Variants in PTPRR observed in about 807,000 individuals in gnomAD.
PTPRR encodes receptor-type tyrosine-protein phosphatase R.
Under a neutral mutation model 77.2 loss-of-function variants are expected in PTPRR, and 38 were observed. That is an observed-to-expected ratio of 0.49 (90% CI 0.38 to 0.65). The LOEUF (loss-of-function observed/expected upper bound fraction) is 0.65, where lower values mean the gene tolerates loss of function less well. Ranked by LOEUF, PTPRR falls within the 30% of genes least tolerant of loss-of-function variation. The pLI, the probability that PTPRR is intolerant of heterozygous loss-of-function variation, is 0.00. For synonymous variants in PTPRR, 299 were observed against 283.1 expected (o/e 1.06, Z -0.57); for missense variants, 744 against 799.2 (o/e 0.93, Z 0.83).
chr12:70,798,205 C>T (rs1565700740), intron 2 of PTPRR, among the ~76,000 whole-genome samples: 1 of 152,086 alleles, frequency 6.6e-6, no homozygotes, highest in Non-Finnish European at 1.5e-5. Flanking sequence ...ATGTTCTTCC[C>T]TCACCACACC....
chr12:70,760,051 G>C (rs2136959322), intron 4 of PTPRR, among the ~76,000 whole-genome samples: 1 of 152,272 alleles, frequency 6.6e-6, no homozygotes, highest in Non-Finnish European at 1.5e-5. Context: ...GACCAGTTGG[G>C]GGTGGTTGTG....
At chr12:70,754,722 A>G in intron 4 of PTPRR, 1 of 1,583,050 alleles carries the variant, frequency 6.3e-7, no homozygotes, top group Non-Finnish European at 8.5e-7. Flanking sequence ...CTTTTAAACA[A>G]AAGTGAAACA....
intron 2 of PTPRR, among the ~76,000 whole-genome samples, chr12:70,888,322 G>A (rs907575879): frequency 1.3e-5 from 2 of 151,910 alleles, no homozygotes; most frequent in Non-Finnish European, 2.9e-5. Flanking sequence ...CTATTCAATT[G>A]TTCCAGTCTC....
At chr12:70,754,812 CTT>C (rs200305919) in intron 4 of PTPRR, 574 of 1,051,130 alleles carry the variant, frequency 5.5e-4, no homozygotes, top group South Asian at 1.1e-3. Context: ...TTAATCACAT[CTT>C]TTTTTTTTTT....
Position 70,652,238 on chromosome 12 carries a change from C to T in PTPRR, c.1880+4466G>A, listed in dbSNP as rs562697226. On this transcript the variant is annotated intron_variant, in intron 13 of 13. Transcript: ENST00000283228. ...TGGTTAATGGCAGCAGTTAGCCACA[C>T]ATTGGAATTTTTAAAATGAGGTATG... 2.6e-5 allele frequency among the ~76,000 whole-genome samples: 4 copies of T among 152,136 alleles called. No homozygotes were observed. In the South Asian group the frequency reaches 8.3e-4, roughly 32 times the overall value.
intron 8 of PTPRR, among the ~76,000 whole-genome samples, chr12:70,687,431 G>A (rs939172248): frequency 1.9e-5 from 2 of 106,680 alleles, no homozygotes; most frequent in African/African-American, 6.1e-5. Flanking sequence ...GTCCCATTCT[G>A]CTTAAAGCTT....
chr12:70,816,336 G>T (rs748311805), intron 2 of PTPRR, among the ~76,000 whole-genome samples: 43 of 151,876 alleles, frequency 2.8e-4, no homozygotes, highest in Non-Finnish European at 5.3e-4. Flanking sequence ...CTTTAAACAG[G>T]TCTATGTACT....
intron 8 of PTPRR, among the ~76,000 whole-genome samples, chr12:70,692,575 A>G (rs1323966229): frequency 4.6e-5 from 7 of 152,192 alleles, no homozygotes; most frequent in Non-Finnish European, 7.3e-5. Context: ...CCTCACCAAC[A>G]GCTGCTTTCC....
intron 2 of PTPRR, among the ~76,000 whole-genome samples, chr12:70,813,451 A>C (rs1314919205): frequency 6.6e-6 from 1 of 152,198 alleles, no homozygotes; most frequent in Non-Finnish European, 1.5e-5. Flanking sequence ...TCATATATTC[A>C]TCTCCTTTGA....
At chr12:70,742,120 T>G (rs1478018903) in intron 6 of PTPRR, among the ~76,000 whole-genome samples, 1 of 152,188 alleles carries the variant, frequency 6.6e-6, no homozygotes, top group Non-Finnish European at 1.5e-5. Context: ...ATGGACATTT[T>G]AGCAGATGAC....
intron 4 of PTPRR, among the ~76,000 whole-genome samples, chr12:70,756,928 A>G (rs975456130): frequency 2.0e-5 from 3 of 152,188 alleles, no homozygotes; most frequent in Admixed American, 6.5e-5. Context: ...CAAATGTTAC[A>G]AAGTATCTGG....
At chr12:70,689,237 CATG>C (rs1299649341) in intron 8 of PTPRR, among the ~76,000 whole-genome samples, 1 of 152,034 alleles carries the variant, frequency 6.6e-6, no homozygotes, top group African/African-American at 2.4e-5. Flanking sequence ...TTAATATTAG[CATG>C]ATATGATCAT....
chr12:70,740,823 T>C (rs986365978), intron 6 of PTPRR, among the ~76,000 whole-genome samples: 3 of 152,144 alleles, frequency 2.0e-5, no homozygotes, highest in African/African-American at 7.2e-5. Flanking sequence ...AAGTAGAAGA[T>C]TATTACCTCA....
intron 6 of PTPRR, among the ~76,000 whole-genome samples, chr12:70,712,314 G>C (rs78576672): frequency 0.018 from 2,803 of 151,956 alleles, 96 homozygotes; most frequent in African/African-American, 0.064. Flanking sequence ...CATGTTATCG[G>C]TGATGCCTAG....
chr12:70,873,053 TC>T (rs147989983), intron 2 of PTPRR, among the ~76,000 whole-genome samples: 2,208 of 152,304 alleles, frequency 0.014, 58 homozygotes, highest in African/African-American at 0.05. Flanking sequence ...ATTCAGATGA[TC>T]CAGTTCAAGG....
At chr12:70,775,711 G>T (rs983063524) in intron 2 of PTPRR, among the ~76,000 whole-genome samples, 1 of 152,040 alleles carries the variant, frequency 6.6e-6, no homozygotes, top group Non-Finnish European at 1.5e-5. Flanking sequence ...AGCCACAAAA[G>T]GACCAAAGCT....
intron 2 of PTPRR, among the ~76,000 whole-genome samples, chr12:70,883,420 G>T (rs1893182917): frequency 6.6e-6 from 1 of 152,160 alleles, no homozygotes. Context: ...TAAGCCGAAT[G>T]ATTACCTAAG....
Position 70,758,589 on chromosome 12 carries a change from A to G in PTPRR, c.627+2882T>C, listed in dbSNP as rs574055722. 1.5e-3 allele frequency among the ~76,000 whole-genome samples: 227 copies of G among 152,282 alleles called. 4 individuals are homozygous for G. Among genetic ancestry groups the G allele is most frequent in the African/African-American group, 4.9e-3 (203 of 41,558 alleles). ...GTCCTAGGCAAGATGTGTACCAGTC[A>G]GTCCGTGTAGGGCCTTGACTGTGGG... On this transcript the variant is annotated intron_variant, in intron 4 of 13. Coordinates refer to ENST00000283228, the MANE Select transcript of PTPRR (RefSeq NM_002849.4).
rs566503707 is a variant in PTPRR, at chr12:70,667,029, C to T, written c.1498-4424G>A. On this transcript the variant is annotated intron_variant, in intron 10 of 13. Coordinates refer to ENST00000283228, the MANE Select transcript of PTPRR (RefSeq NM_002849.4). ...GGAGTGCAGTGGCACGATCTTGGCT[C>T]ACTGCAAGCTCCGCCTCCCAGGTTC... 2.3e-5 allele frequency among the ~76,000 whole-genome samples: 3 copies of T among 130,636 alleles called. No individual in the cohort carries two copies. The South Asian group carries it at 7.8e-4, about 34-fold the overall frequency. 85.7% of individuals were successfully genotyped at this position (130,636 alleles called of 152,430 possible). A position where few individuals can be genotyped will look rare whatever the true frequency, so the allele number is the denominator to read the frequency against.
Sources: allele counts gnomAD v4.1 joint callset (sites outside exome capture counted in the v4.1 genomes callset), GRCh38; gene constraint gnomAD v4.1.1; transcripts MANE v1.5; gene names NCBI Gene and HGNC (gene_info 2026-07-23, HGNC 2026-07-21).